Variants in STK3 observed in about 807,000 individuals in gnomAD.
The protein encoded by STK3 is serine/threonine kinase 3, also known as serine/threonine-protein kinase 3.
In STK3, 41 loss-of-function variants were observed where a neutral mutation model predicts 58.0. The ratio of observed to expected loss-of-function variants is 0.71; its 90% CI spans 0.55 to 0.92. STK3 has a LOEUF of 0.92. Among genes scored for constraint, STK3 ranks in the 40% least tolerant of loss-of-function variants. The pLI, the probability that STK3 is intolerant of heterozygous loss-of-function variation, is 0.00. For missense variants in STK3, 479 were observed against 602.7 expected (o/e 0.79, Z 2.15); for synonymous variants, 170 against 191.0 (o/e 0.89, Z 0.91).
chr8:98,928,046 G>A (rs903841312), intron 1 of STK3, among the ~76,000 whole-genome samples: 1 of 152,178 alleles, frequency 6.6e-6, no homozygotes, highest in Admixed American at 6.5e-5. Context: ...CTTGTCTGTA[G>A]GGTACTTCAG....
At chr8:98,649,777 A>G (rs1295134417) in intron 6 of STK3, among the ~76,000 whole-genome samples, 2 of 152,206 alleles carry the variant, frequency 1.3e-5, no homozygotes, top group South Asian at 2.1e-4. Context: ...ATTAACTTTT[A>G]AACAATTTTT....
At chr8:98,787,981 T>C (rs942190641) in intron 1 of STK3, among the ~76,000 whole-genome samples, 10 of 152,072 alleles carry the variant, frequency 6.6e-5, no homozygotes, top group African/African-American at 2.4e-4. Context: ...ACAGAACCCC[T>C]TTAAAGCATA....
At chr8:98,752,168 G>A (rs1458721734) in intron 3 of STK3, among the ~76,000 whole-genome samples, 1 of 152,008 alleles carries the variant, frequency 6.6e-6, no homozygotes, top group Non-Finnish European at 1.5e-5. Context: ...GAACAAAGCT[G>A]GTGGCATCAC....
chr8:98,510,146 C>G (rs1206423744), intron 10 of STK3, among the ~76,000 whole-genome samples: 2 of 152,108 alleles, frequency 1.3e-5, no homozygotes, highest in Non-Finnish European at 2.9e-5. Context: ...TGTTGACATA[C>G]ATTATTCTAA....
At chr8:98,353,236 G>A in the STK3 span, among the ~76,000 whole-genome samples, 579 of 152,306 alleles carry the variant, frequency 3.8e-3, 5 homozygotes, top group Admixed American at 5.6e-3. Context: ...CAATTTGGTA[G>A]GCAGAGACAG....
At chr8:98,554,482 C>G (rs1811447312) in intron 8 of STK3, among the ~76,000 whole-genome samples, 1 of 152,080 alleles carries the variant, frequency 6.6e-6, no homozygotes, top group Non-Finnish European at 1.5e-5. Flanking sequence ...ACAATAAAGC[C>G]TGAACCTCTG....
chr8:98,685,992 A>T (rs1042889775), intron 6 of STK3, among the ~76,000 whole-genome samples: 2 of 152,228 alleles, frequency 1.3e-5, no homozygotes, highest in Admixed American at 6.5e-5. Context: ...ATATATACAT[A>T]TAACTGAATA....
chr8:98,598,869 C>G (rs931997991), intron 6 of STK3: 36 of 985,392 alleles, frequency 3.7e-5, no homozygotes, highest in Non-Finnish European at 4.1e-5. Flanking sequence ...AAGAACTACT[C>G]TGATCACAAG....
intron 10 of STK3, among the ~76,000 whole-genome samples, chr8:98,499,383 T>C (rs1247498707): frequency 6.6e-6 from 1 of 152,178 alleles, no homozygotes; most frequent in African/African-American, 2.4e-5. Flanking sequence ...AGGAAACTAA[T>C]ACAGATTTTG....
chr8:98,536,228 T>C (rs1484528348), intron 9 of STK3, among the ~76,000 whole-genome samples: 1 of 152,088 alleles, frequency 6.6e-6, no homozygotes, highest in Non-Finnish European at 1.5e-5. Context: ...TGACTAGGGG[T>C]GAGAAAGTAT....
chr8:98,933,827 A>G (rs1236246965), intron 1 of STK3, among the ~76,000 whole-genome samples: 1 of 152,196 alleles, frequency 6.6e-6, no homozygotes, highest in Non-Finnish European at 1.5e-5. Context: ...TACTAAATAT[A>G]CTTCTAGACT....
At chr8:98,423,830 C>T (rs2131059352) in intron 3 of STK3, among the ~76,000 whole-genome samples, 1 of 152,324 alleles carries the variant, frequency 6.6e-6, no homozygotes, top group Non-Finnish European at 1.5e-5. Context: ...GAGAGATCAT[C>T]ATTGGCAGTG....
At chr8:98,685,819 T>C (rs190217401) in intron 6 of STK3, among the ~76,000 whole-genome samples, 1 of 151,600 alleles carries the variant, frequency 6.6e-6, no homozygotes, top group African/African-American at 2.4e-5. Flanking sequence ...AGTATTCACC[T>C]ACACACCCTG....
chr8:98,643,007 G>C (rs1375505475), intron 6 of STK3, among the ~76,000 whole-genome samples: 2 of 152,114 alleles, frequency 1.3e-5, no homozygotes, highest in Non-Finnish European at 2.9e-5. Context: ...AAGATCACTT[G>C]AGCCCAGGAG....
At chr8:98,398,146 A>G (rs1817911403), downstream of STK3, among the ~76,000 whole-genome samples, 1 of 152,130 alleles carries the variant, frequency 6.6e-6, no homozygotes, top group Non-Finnish European at 1.5e-5. Flanking sequence ...GAAGGGCATC[A>G]CGTGTCTGGG....
intron 4 of STK3, among the ~76,000 whole-genome samples, chr8:98,708,250 G>C (rs535640061): frequency 2.0e-5 from 3 of 152,240 alleles, no homozygotes; most frequent in African/African-American, 7.2e-5. Flanking sequence ...AATACTGGGA[G>C]GGCACTATCA....
At chr8:98,351,874 G>A in the STK3 span, among the ~76,000 whole-genome samples, 2 of 152,244 alleles carry the variant, frequency 1.3e-5, no homozygotes, top group South Asian at 2.1e-4. Flanking sequence ...GACTACTGGG[G>A]TTTGGCTGGG....
Position 98,883,764 on chromosome 8 carries a change from A to C in STK3, c.-8T>G, listed in dbSNP as rs772581842. ...GTCCATGAGTTGTAACATTTCCTCC[A>C]CTGAAGAGTCTAGCTCAGAGAGATC... On this transcript the variant is annotated 5_prime_UTR_variant, in exon 2 of 2. Coordinates refer to the STK3 transcript ENST00000519420. 6 of 702,758 alleles carry C rather than the reference A, an allele frequency of 8.5e-6. No individual in the cohort carries two copies. The South Asian group carries it at 8.9e-5, about 10-fold the overall frequency. The allele number at this position is 702,758 out of a possible 1,614,324, so 43.5% of individuals were successfully genotyped here. A position where few individuals can be genotyped will look rare whatever the true frequency, so the allele number is the denominator to read the frequency against.
chr8:98,756,749 G>T (rs1830309293), intron 3 of STK3, among the ~76,000 whole-genome samples: 1 of 152,166 alleles, frequency 6.6e-6, no homozygotes, highest in Non-Finnish European at 1.5e-5. Flanking sequence ...CTAATTCCTA[G>T]AGACAGCAAA....
Sources: gnomAD v4.1 joint callset for allele counts (sites outside exome capture counted in the v4.1 genomes callset) on GRCh38, gnomAD v4.1.1 for gene constraint, MANE v1.5 for transcripts, NCBI Gene and HGNC (gene_info 2026-07-23, HGNC 2026-07-21) for gene names.